Variants in NF2 observed in about 807,000 individuals in gnomAD.
The protein encoded by NF2 is NF2, moesin-ezrin-radixin like (MERLIN) tumor suppressor.
In NF2, 8 loss-of-function variants were observed where a neutral mutation model predicts 83.7. The observed-to-expected ratio is 0.10, with a 90% CI of 0.06 to 0.17. The LOEUF (loss-of-function observed/expected upper bound fraction) is 0.17. NF2 is among the 10% of genes least tolerant of loss of function. The probability of loss-of-function intolerance (pLI) is 1.00; values close to 1 mark genes in which losing one functional copy is unlikely to be tolerated. For missense variants in NF2, 533 were observed against 744.4 expected (o/e 0.72, Z 3.31); for synonymous variants, 266 against 269.6 (o/e 0.99, Z 0.13).
chr22:29,619,584 A>T (rs1241782158), intron 1 of NF2, among the ~76,000 whole-genome samples: 1 of 139,256 alleles, frequency 7.2e-6, no homozygotes, highest in Non-Finnish European at 1.6e-5. Context: ...TTTAGTAGAG[A>T]TGGGGTCTTA....
Position 29,636,090 on chromosome 22 carries a change from A to C in NF2, c.115-661A>C, listed in dbSNP as rs893810256. The stretch of plus-strand genomic sequence containing the variant: ...GGCTATAGGATAAACACACTACAGT[A>C]TATTGATATCTATTCGTCACCTGGG... On this transcript the variant is annotated intron_variant, in intron 1 of 15. Coordinates refer to ENST00000338641, the MANE Select transcript of NF2 (RefSeq NM_000268.4). This position sits in a 1 kb window ranked among gnomAD's most constrained non-coding sequence, Gnocchi z 4.4. Among the ~76,000 whole-genome samples the C allele has an allele frequency of 1.3e-5, 2 of 152,172 alleles. No individual in the cohort carries two copies. The highest frequency in any genetic ancestry group is 2.9e-5 in the Non-Finnish European group (2 of 68,032).
At chr22:29,649,170 G>T (rs1256141431) in intron 4 of NF2, among the ~76,000 whole-genome samples, 1 of 152,022 alleles carries the variant, frequency 6.6e-6, no homozygotes, top group Non-Finnish European at 1.5e-5. Flanking sequence ...GACACAAAAG[G>T]CCACATATTT....
At chr22:29,642,125 AG>A in intron 3 of NF2, 76 bp from the exon 4 acceptor site, 1 of 1,181,266 alleles carries the variant, frequency 8.5e-7, no homozygotes, top group South Asian at 1.2e-5. Flanking sequence ...GAACGCCGTG[AG>A]GCCATCTGTT....
intron 10 of NF2, among the ~76,000 whole-genome samples, chr22:29,670,639 A>G (rs1037885816): frequency 6.6e-6 from 1 of 152,178 alleles, no homozygotes; most frequent in African/African-American, 2.4e-5. Flanking sequence ...TGCTTTAATT[A>G]TTTAAGGCAG....
At chr22:29,657,031 A>G (rs1266914068) in intron 6 of NF2, among the ~76,000 whole-genome samples, 1 of 151,326 alleles carries the variant, frequency 6.6e-6, no homozygotes, top group Non-Finnish European at 1.5e-5. Flanking sequence ...TTTTTTTTTA[A>G]ACTTAAGTGC....
chr22:29,627,971 G>T (rs9614018), intron 1 of NF2, among the ~76,000 whole-genome samples: 35,869 of 152,118 alleles, frequency 0.24, 4,379 homozygotes, highest in Non-Finnish European at 0.29. Context: ...AATAACGAGT[G>T]TCATAAATTC....
At chr22:29,660,709 C>T (rs5752951) in intron 7 of NF2, among the ~76,000 whole-genome samples, 7,469 of 151,936 alleles carry the variant, frequency 0.049, 446 homozygotes, top group South Asian at 0.14. Context: ...ATTACAGGCG[C>T]GTGCCACCAT....
In NF2 at chr22:29,696,061, CCTTT is replaced by C. The variant is rs891252621; in HGVS notation, c.*1264_*1267del. 3.0e-5 allele frequency: 7 copies of C among 229,936 alleles called. No homozygotes were observed. Among genetic ancestry groups the C allele is most frequent in the African/African-American group, 6.7e-5 (3 of 44,592 alleles). The allele number at this position is 229,936 out of a possible 1,614,324, so 14.2% of individuals were successfully genotyped here. Reference sequence around the variant, plus strand: ...CCTTGGTCTGGGGCCACCTTCTTGCCCTTTCTTTTTTTTTTTTTTTTTTTTTTTC... The same window carrying C: ...CCTTGGTCTGGGGCCACCTTCTTGCCCTTTTTTTTTTTTTTTTTTTTTTTC... On this transcript the variant is annotated 3_prime_UTR_variant, in exon 16 of 16. Coordinates refer to ENST00000338641, the MANE Select transcript of NF2 (RefSeq NM_000268.4).
Position 29,603,934 on chromosome 22 carries a change from G to A in NF2, c.-65G>A. ...CCCTGAGGCCTGTGCAGCAACTCCA[G>A]GGGGGCTAAAGGGCTCAGAGTGCAG... is the stretch of plus-strand genomic sequence containing the variant. On this transcript the variant is annotated 5_prime_UTR_variant, in exon 1 of 16. Transcript: ENST00000338641. 8 of 1,310,296 alleles carry A rather than the reference G, an allele frequency of 6.1e-6. No homozygotes were observed. The highest frequency in any genetic ancestry group is 8.5e-6 in the Non-Finnish European group (8 of 936,652). The allele number at this position is 1,310,296 out of a possible 1,614,324, so 81.2% of individuals were successfully genotyped here.
At position 29,696,219 on chromosome 22, in the gene NF2, A is replaced by G. The variant is rs879057167; in HGVS notation, c.*1417A>G. On this transcript the variant is annotated 3_prime_UTR_variant, in exon 16 of 16. Coordinates refer to ENST00000338641, the MANE Select transcript of NF2 (RefSeq NM_000268.4). ...CTCCCAAGTAGCTGGGACTACAGGCATGCACCACCACACTTGGCCAATGTT... is the reference window on the plus strand; with the variant it reads ...CTCCCAAGTAGCTGGGACTACAGGCGTGCACCACCACACTTGGCCAATGTT... The G allele has an allele frequency of 1.4e-5, 3 of 217,998 alleles. No homozygotes were observed. Among genetic ancestry groups the G allele is most frequent in the Admixed American group, 5.8e-5 (1 of 17,242 alleles). The allele number at this position is 217,998 out of a possible 1,614,324, so 13.5% of individuals were successfully genotyped here. A position where few individuals can be genotyped will look rare whatever the true frequency, so the allele number is the denominator to read the frequency against.
intron 3 of NF2, 31 bp from the exon 4 acceptor site, chr22:29,642,171 A>G (rs751777290): frequency 1.3e-6 from 2 of 1,570,328 alleles, no homozygotes; most frequent in South Asian, 2.2e-5. Flanking sequence ...CCACTCACAG[A>G]GTATCATGTC....
intron 15 of NF2, among the ~76,000 whole-genome samples, chr22:29,692,737 G>T (rs1304994739): frequency 2.0e-5 from 3 of 152,238 alleles, no homozygotes; most frequent in Admixed American, 2.0e-4. Flanking sequence ...AAGGAGAGGG[G>T]CCAGGGCTCC....
intron 4 of NF2, among the ~76,000 whole-genome samples, 160 bp from the exon 5 acceptor site, chr22:29,654,497 T>C (rs1389485186): frequency 6.6e-6 from 1 of 152,240 alleles, no homozygotes; most frequent in East Asian, 1.9e-4. Context: ...CTTTGTATTT[T>C]CATTCAAGGA....
At chr22:29,668,113 A>AT (rs1376179461) in intron 9 of NF2, among the ~76,000 whole-genome samples, 2 of 151,948 alleles carry the variant, frequency 1.3e-5, no homozygotes, top group Non-Finnish European at 2.9e-5. Context: ...TTGATTTATG[A>AT]TTTTTACCTC....
Position 29,678,197 on chromosome 22 carries a change from C to T in NF2, c.1448C>T (p.Pro483Leu), listed in dbSNP as rs771692777. Residue 483 changes from proline (P) to leucine (L), a missense_variant and splice_region_variant, in exon 14 of 16, where the codon CCC becomes CTC. By Grantham distance (98) the Pro-to-Leu change is moderately conservative (BLOSUM62 -3). Transcript: ENST00000338641. ...LEIATKPTYP[P>L]MNPIPAPLPP... ...TAATCCGAAATTTCTCATTAACAGC[C>T]CATGAACCCAATTCCAGCACCGTTG... 5 of 1,613,892 alleles carry T rather than the reference C, an allele frequency of 3.1e-6. No homozygotes were observed. In the South Asian group the frequency reaches 5.5e-5, roughly 18 times the overall value.
rs1010340918 is a variant in NF2, at chr22:29,696,817, T to C, written c.*2015T>C. 2.6e-5 allele frequency: 4 copies of C among 153,460 alleles called. No homozygotes were observed. Among genetic ancestry groups the C allele is most frequent in the Non-Finnish European group, 4.8e-5 (4 of 82,556 alleles). 9.5% of individuals were successfully genotyped at this position (153,460 alleles called of 1,614,324 possible). ...TCCGTTTTTTTTTTTTTTCTGTTTC[T>C]GTTTCTGTTTTTTTTTTGAGATGGA... On this transcript the variant is annotated 3_prime_UTR_variant, in exon 16 of 16. Coordinates refer to ENST00000338641, the MANE Select transcript of NF2 (RefSeq NM_000268.4).
intron 4 of NF2, among the ~76,000 whole-genome samples, chr22:29,651,643 A>G (rs139618076): frequency 1.5e-3 from 229 of 152,364 alleles, no homozygotes; most frequent in African/African-American, 5.3e-3. Flanking sequence ...AAGAGCAGAC[A>G]CATACATCAA....
chr22:29,654,619 A>G (rs1208729991), intron 4 of NF2, 38 bp from the exon 5 acceptor site: 1 of 1,574,234 alleles, frequency 6.4e-7, no homozygotes, highest in South Asian at 1.1e-5. Flanking sequence ...AGTTATCTTT[A>G]GAATCTCAAT....
chr22:29,692,326 C>A (rs1217339370), intron 15 of NF2, among the ~76,000 whole-genome samples: 1 of 152,174 alleles, frequency 6.6e-6, no homozygotes, highest in Non-Finnish European at 1.5e-5. Context: ...AGGCGAAGCT[C>A]CTGCTCTTGC....
Sources: gnomAD v4.1 joint callset for allele counts (sites outside exome capture counted in the v4.1 genomes callset) on GRCh38, gnomAD v4.1.1 for gene constraint, Gnocchi (gnomAD v3.1) non-coding constraint, MANE v1.5 for transcripts, NCBI Gene and HGNC (gene_info 2026-07-23, HGNC 2026-07-21) for gene names.